PDE4D: variants seen among roughly 807,000 people sequenced by gnomAD.
PDE4D encodes the protein 3',5'-cyclic-AMP phosphodiesterase 4D.
Under a neutral mutation model 87.4 loss-of-function variants are expected in PDE4D, and 24 were observed. The ratio of observed to expected loss-of-function variants is 0.27; its 90% CI spans 0.20 to 0.39. The LOEUF is 0.39. Among genes scored for constraint, PDE4D ranks in the 10% least tolerant of loss-of-function variants. PDE4D has a pLI of 1.00. For missense variants in PDE4D, 714 were observed against 1,041.0 expected (o/e 0.69, Z 4.32); for synonymous variants, 384 against 383.2 (o/e 1.00, Z -0.02).
chr5:59,924,483 C>G (rs1012098864), intron 3 of PDE4D, among the ~76,000 whole-genome samples: 1 of 149,402 alleles, frequency 6.7e-6, no homozygotes, highest in African/African-American at 2.5e-5. Flanking sequence ...CTAAAAGCAA[C>G]AGGAGAAAAT....
chr5:60,491,521 A>G (rs1240053351), upstream of PDE4D: 1 of 152,224 alleles, frequency 6.6e-6, no homozygotes, highest in Non-Finnish European at 1.5e-5. Flanking sequence ...AGCATAAACC[A>G]TCAACTTTTA....
At chr5:59,292,159 T>C (rs1768168687) in intron 1 of PDE4D, among the ~76,000 whole-genome samples, 1 of 152,054 alleles carries the variant, frequency 6.6e-6, no homozygotes, top group African/African-American at 2.4e-5. Flanking sequence ...ATTTAAGCCT[T>C]CATTCAGTTG....
intron 1 of PDE4D, among the ~76,000 whole-genome samples, chr5:59,325,592 A>T (rs562773689): frequency 6.6e-5 from 10 of 152,292 alleles, no homozygotes; most frequent in African/African-American, 2.2e-4. Context: ...ATATTCTTTA[A>T]AAATTGGCAG....
chr5:60,371,339 G>C (rs929748463), intron 1 of PDE4D, among the ~76,000 whole-genome samples: 1 of 152,164 alleles, frequency 6.6e-6, no homozygotes, highest in African/African-American at 2.4e-5. Flanking sequence ...CGTTCAGTCC[G>C]CCATGTGGTG....
chr5:59,901,092 A>G lies in PDE4D; in HGVS notation c.272+87396T>C, dbSNP rs192771313. On this transcript the variant is annotated intron_variant, in intron 3 of 16. Transcript: ENST00000502484. ...AAATAGAAGAATTGTAGCAGCAACT[A>G]TTTTACATATGAGGAAACTGAAGCT... 1.3e-3 allele frequency among the ~76,000 whole-genome samples: 195 copies of G among 152,302 alleles called. 1 individual carries two copies. The highest frequency in any genetic ancestry group is 4.4e-3 in the African/African-American group (181 of 41,580).
intron 1 of PDE4D, among the ~76,000 whole-genome samples, chr5:59,808,602 T>TG (rs1561695338): frequency 6.3e-5 from 9 of 142,418 alleles, no homozygotes; most frequent in African/African-American, 2.3e-4. Flanking sequence ...GTGTGTGTGT[T>TG]TGTGTGTGTG....
intron 1 of PDE4D, among the ~76,000 whole-genome samples, chr5:60,213,061 G>A (rs1326225416): frequency 6.6e-6 from 1 of 152,058 alleles, no homozygotes; most frequent in Non-Finnish European, 1.5e-5. Flanking sequence ...TCCATCTTTT[G>A]TCTAGTATAT....
chr5:60,437,458 C>T (rs1279095031), intron 1 of PDE4D, among the ~76,000 whole-genome samples: 2 of 152,084 alleles, frequency 1.3e-5, no homozygotes, highest in Admixed American at 1.3e-4. Context: ...GACTCTACAG[C>T]ACAAGAAAAG....
At chr5:59,245,229 C>A (rs1165955461) in intron 1 of PDE4D, among the ~76,000 whole-genome samples, 1 of 151,992 alleles carries the variant, frequency 6.6e-6, no homozygotes, top group African/African-American at 2.4e-5. Context: ...CTAGGGTACA[C>A]AAGGACATGT....
At chr5:58,983,794 A>T (rs564752481) in intron 11 of PDE4D, among the ~76,000 whole-genome samples, 57 of 152,246 alleles carry the variant, frequency 3.7e-4, no homozygotes, top group Non-Finnish European at 6.0e-4. Context: ...TTTTTGTGAC[A>T]CTCTCTTGTT....
chr5:59,313,757 C>T (rs144538967), intron 1 of PDE4D, among the ~76,000 whole-genome samples: 61 of 152,306 alleles, frequency 4.0e-4, no homozygotes, highest in African/African-American at 1.4e-3. Flanking sequence ...TAACAACCAA[C>T]TTGTGTACCC....
intron 3 of PDE4D, among the ~76,000 whole-genome samples, chr5:59,933,568 A>G: frequency 6.6e-6 from 1 of 152,202 alleles, no homozygotes; most frequent in East Asian, 1.9e-4. Flanking sequence ...ATGTCCTCAC[A>G]CTTATGTGAG....
intron 1 of PDE4D, among the ~76,000 whole-genome samples, chr5:60,474,262 C>T (rs11740770): frequency 0.13 from 18,830 of 150,370 alleles, 1,284 homozygotes; most frequent in Non-Finnish European, 0.15. Flanking sequence ...CTGGTGAGGG[C>T]TCATACCTTA....
At chr5:59,353,949 T>C (rs1171907948) in intron 1 of PDE4D, among the ~76,000 whole-genome samples, 1 of 152,214 alleles carries the variant, frequency 6.6e-6, no homozygotes, top group Non-Finnish European at 1.5e-5. Context: ...TAAATGTATA[T>C]GATTTGCTAT....
chr5:60,121,062 G>T (rs1408191150), intron 2 of PDE4D, among the ~76,000 whole-genome samples: 2 of 151,996 alleles, frequency 1.3e-5, no homozygotes, highest in Admixed American at 1.3e-4. Flanking sequence ...GATGCTTCCT[G>T]CCCTTGAAAA....
intron 1 of PDE4D, among the ~76,000 whole-genome samples, chr5:60,417,827 C>G (rs1742741554): frequency 2.0e-5 from 3 of 151,368 alleles, no homozygotes; most frequent in Admixed American, 2.0e-4. Context: ...TAGAGAAAGA[C>G]AAACACATGA....
At chr5:60,468,386 G>A (rs1349519875) in intron 1 of PDE4D, among the ~76,000 whole-genome samples, 1 of 151,866 alleles carries the variant, frequency 6.6e-6, no homozygotes, top group Non-Finnish European at 1.5e-5. Flanking sequence ...CAACCCACCT[G>A]CCTCAGCATC....
In PDE4D at chr5:59,758,269, C is replaced by T. The variant is rs562708354; in HGVS notation, c.455+134899G>A. Among the ~76,000 whole-genome samples, 19 of 152,250 alleles carry T rather than the reference C, an allele frequency of 1.2e-4. No homozygotes were observed. In the South Asian group the frequency reaches 1.5e-3, roughly 12 times the overall value. On this transcript the variant is annotated intron_variant, in intron 1 of 14. Coordinates refer to ENST00000340635, the MANE Select transcript of PDE4D (RefSeq NM_001104631.2). Reference sequence around the variant, plus strand: ...ACGGTTAACAATACTTACATCCAACCTTGGTTGTTTTAAGGGGTTAATGTA... The same window carrying T: ...ACGGTTAACAATACTTACATCCAACTTTGGTTGTTTTAAGGGGTTAATGTA...
At chr5:59,058,265 T>C (rs1234366090) in intron 5 of PDE4D, among the ~76,000 whole-genome samples, 1 of 152,158 alleles carries the variant, frequency 6.6e-6, no homozygotes, top group Non-Finnish European at 1.5e-5. Context: ...TTGAGGGAGC[T>C]ACAAACTTCA....
Sources: allele counts gnomAD v4.1 joint callset (sites outside exome capture counted in the v4.1 genomes callset), GRCh38; gene constraint gnomAD v4.1.1; transcripts MANE v1.5; gene names NCBI Gene and HGNC (gene_info 2026-07-23, HGNC 2026-07-21).